The following SMYD1 variants were observed in gnomAD, a reference collection of about 807,000 sequenced individuals.
SMYD1 encodes SET and MYND domain containing 1.
Under a neutral mutation model 54.0 loss-of-function variants are expected in SMYD1, and 49 were observed. That is an observed-to-expected ratio of 0.91 (90% CI 0.72 to 1.15). The LOEUF (loss-of-function observed/expected upper bound fraction) is 1.15, where lower values mean the gene tolerates loss of function less well. SMYD1 is among the 50% of genes most tolerant of loss of function. The probability of loss-of-function intolerance (pLI) is 0.00; values close to 1 mark genes in which losing one functional copy is unlikely to be tolerated. For synonymous variants in SMYD1, 269 were observed against 234.2 expected (o/e 1.15, Z -1.36); for missense variants, 653 against 639.6 (o/e 1.02, Z -0.23).
In SMYD1 at chr2:88,110,476, T is replaced by G. The variant is rs562898392; in HGVS notation, c.1437T>G (p.Asn479Lys). The change falls in exon 10 of 10, where the codon AAT becomes AAG. Residue 479 changes from asparagine (N) to lysine (K), a missense_variant. Transcript: ENST00000419482. The part of the protein sequence containing the change: ...QPMQVMAEPS[N>K]EPSPALFHKK... The stretch of plus-strand genomic sequence containing the variant: ...TGCAGGTCATGGCCGAGCCCAGCAA[T>G]GAGCCATCCCCAGCTCTGTTCCACA... 4.4e-5 allele frequency: 71 copies of G among 1,598,562 alleles called. No homozygotes were observed. Among genetic ancestry groups the G allele is most frequent in the Admixed American group, 1.0e-4 (6 of 57,778 alleles).
chr2:88,099,341 C>T (rs962830622), intron 6 of SMYD1, among the ~76,000 whole-genome samples: 3 of 152,190 alleles, frequency 2.0e-5, no homozygotes, highest in Non-Finnish European at 4.4e-5. Context: ...CCGCCTCAGC[C>T]TCTTGAAGTG....
chr2:88,102,354 C>G (rs531274782), intron 6 of SMYD1, among the ~76,000 whole-genome samples: 1 of 121,390 alleles, frequency 8.2e-6, no homozygotes. Context: ...AATATCAAAA[C>G]CTTGTTTTGT....
intron 1 of SMYD1, among the ~76,000 whole-genome samples, chr2:88,079,772 G>T (rs548830764): frequency 1.3e-5 from 2 of 152,202 alleles, no homozygotes; most frequent in African/African-American, 4.8e-5. Flanking sequence ...AGTGAGCCGA[G>T]ATCATGTCAT....
intron 4 of SMYD1, among the ~76,000 whole-genome samples, chr2:88,091,932 G>T (rs1214028480): frequency 1.3e-5 from 2 of 152,080 alleles, no homozygotes; most frequent in African/African-American, 4.8e-5. Context: ...GAATGGTGAG[G>T]TGCCCAGGGA....
Position 88,110,735 on chromosome 2 carries a change from T to C in SMYD1, c.*223T>C. 2.0e-6 allele frequency: 1 copy of C among 494,740 alleles called. No homozygotes were observed. The highest frequency in any genetic ancestry group is 3.4e-6 in the Non-Finnish European group (1 of 292,072). 30.6% of individuals were successfully genotyped at this position (494,740 alleles called of 1,614,324 possible). On this transcript the variant is annotated 3_prime_UTR_variant, in exon 10 of 10. Coordinates refer to ENST00000419482, the MANE Select transcript of SMYD1 (RefSeq NM_198274.4). ...AGCCCAGATCAACTCCTCCTACAAATATTATTGGATGATAGGCCCTAGAAC... is the reference window on the plus strand; with the variant it reads ...AGCCCAGATCAACTCCTCCTACAAACATTATTGGATGATAGGCCCTAGAAC...
intron 5 of SMYD1, among the ~76,000 whole-genome samples, chr2:88,095,402 G>A (rs1674559754): frequency 6.6e-6 from 1 of 152,162 alleles, no homozygotes; most frequent in South Asian, 2.1e-4. Flanking sequence ...TCCATAAGTG[G>A]TCACCTCAGA....
intron 1 of SMYD1, among the ~76,000 whole-genome samples, chr2:88,073,714 G>A (rs1462758157): frequency 6.6e-6 from 1 of 152,098 alleles, no homozygotes; most frequent in African/African-American, 2.4e-5. Context: ...GCAGCACAGG[G>A]GTTGTCTCCT....
chr2:88,094,359 C>T (rs899881511), intron 5 of SMYD1, among the ~76,000 whole-genome samples: 1 of 152,204 alleles, frequency 6.6e-6, no homozygotes, highest in Non-Finnish European at 1.5e-5. Flanking sequence ...TGTCCCTAAC[C>T]TCTGTGAGAA....
intron 1 of SMYD1, among the ~76,000 whole-genome samples, chr2:88,076,786 C>A (rs927755644): frequency 6.6e-6 from 1 of 152,100 alleles, no homozygotes; most frequent in Non-Finnish European, 1.5e-5. Context: ...GCAGGCGGAT[C>A]GCTTGAGCTC....
At chr2:88,109,269 C>CATGTGTGTGT (rs71297097) in intron 9 of SMYD1, among the ~76,000 whole-genome samples, 18,596 of 151,554 alleles carry the variant, frequency 0.12, 1,473 homozygotes, top group Admixed American at 0.18. Flanking sequence ...TGCATGTGTG[C>CATGTGTGTGT]GTGTGTGCAT....
At chr2:88,080,615 T>G (rs1467858882) in intron 1 of SMYD1, among the ~76,000 whole-genome samples, 1 of 152,130 alleles carries the variant, frequency 6.6e-6, no homozygotes, top group Non-Finnish European at 1.5e-5. Flanking sequence ...CTGGCTCTCC[T>G]CCCTTTCTCT....
rs537575050 is a variant in SMYD1 at position 88,089,539 on chromosome 2, A to G, written c.528+1464A>G. Among the ~76,000 whole-genome samples the G allele has an allele frequency of 4.6e-5, 7 of 151,286 alleles. No individual in the cohort carries two copies. In the South Asian group the frequency reaches 1.3e-3, roughly 27 times the overall value. ...CCACATGGTCAGCTTGTGCCCAGGG[A>G]AAGTCTAGAAGCAGTCTGTATTTTC... On this transcript the variant is annotated intron_variant, in intron 3 of 9. Coordinates refer to ENST00000419482, the MANE Select transcript of SMYD1 (RefSeq NM_198274.4).
intron 1 of SMYD1, chr2:88,083,326 A>G (rs1305798999): frequency 2.6e-5 from 4 of 152,112 alleles, no homozygotes; most frequent in African/African-American, 7.2e-5. Context: ...GTGTCCTGAA[A>G]TACATTTCCT....
At chr2:88,103,228 T>A in intron 7 of SMYD1, 78 bp downstream of exon 7, 3 of 1,219,870 alleles carry the variant, frequency 2.5e-6, no homozygotes, top group Non-Finnish European at 2.4e-6. Context: ...GGAAGTGGCG[T>A]GAGAACGGGC....
Position 88,084,401 on chromosome 2 carries a change from G to A in SMYD1, c.223G>A (p.Asp75Asn), listed in dbSNP as rs780756185. Residue 75 changes from aspartate to asparagine, a missense_variant, in exon 2 of 10, where the codon GAC (aspartate) becomes AAC (asparagine). Asp to Asn is a conservative substitution (Grantham distance 23, BLOSUM62 1). Coordinates refer to ENST00000419482, the MANE Select transcript of SMYD1 (RefSeq NM_198274.4). ...GCAGTGCAAGTTTGCCCATTACTGCGACCGCACCTGCCAGAAGGATGCTTG... is the reference window on the plus strand; with the variant it reads ...GCAGTGCAAGTTTGCCCATTACTGCAACCGCACCTGCCAGAAGGATGCTTG... ...CGQCKFAHYC[D>N]RTCQKDAWLN... 8.3e-5 allele frequency: 133 copies of A among 1,608,746 alleles called. No individual in the cohort carries two copies. The highest frequency in any genetic ancestry group is 1.0e-4 in the Non-Finnish European group (122 of 1,175,728).
Position 88,108,445 on chromosome 2 carries a change from G to C in SMYD1, c.1220G>C (p.Gly407Ala). 6.2e-7 allele frequency: 1 copy of C among 1,613,076 alleles called. No homozygotes were observed. Among genetic ancestry groups the C allele is most frequent in the Non-Finnish European group, 8.5e-7 (1 of 1,179,574 alleles). The change falls in exon 9 of 10, where the codon GGT becomes GCT. Residue 407 changes from glycine (G) to alanine (A), a missense_variant. Transcript: ENST00000419482. ...GCAGGGCTGACCAACTGGCATGCTG[G>C]TAACATTGAGGTGGGGCACGGGATG... ...MRAGLTNWHA[G>A]NIEVGHGMIC...
Position 88,088,078 on chromosome 2 carries a change from A to AG in SMYD1, c.528+5dup, listed in dbSNP as rs534662538. ...ACATCTCGCACATCTTCGGAGTGGT[A>AG]GGCCCCCTGCGTCCCTTCTCCATCC... On this transcript the variant is annotated splice_donor_region_variant and intron_variant, in intron 3 of 9. Transcript: ENST00000419482. The AG allele has an allele frequency of 2.6e-4, 418 of 1,609,976 alleles. 3 individuals are homozygous for AG. The South Asian group carries it at 3.5e-3, about 13-fold the overall frequency.
chr2:88,107,960 T>C (rs1486487820), intron 8 of SMYD1, among the ~76,000 whole-genome samples: 11 of 152,218 alleles, frequency 7.2e-5, no homozygotes, highest in Non-Finnish European at 1.5e-4. Flanking sequence ...CTGCACCCAC[T>C]GTCCGACAAT....
At chr2:88,110,248 A>C in intron 9 of SMYD1, 106 bp from the exon 10 acceptor site, 1 of 982,976 alleles carries the variant, frequency 1.0e-6, no homozygotes, top group Non-Finnish European at 1.4e-6. Context: ...CTGAGGGGGT[A>C]GAGTTGAATC....
Sources: gnomAD v4.1 joint callset for allele counts (sites outside exome capture counted in the v4.1 genomes callset) on GRCh38, gnomAD v4.1.1 for gene constraint, MANE v1.5 for transcripts, NCBI Gene and HGNC (gene_info 2026-07-23, HGNC 2026-07-21) for gene names.